Variants in OCA2 observed in about 807,000 individuals in gnomAD.
The protein encoded by OCA2 is P protein.
A neutral mutation model predicts 100.2 loss-of-function variants in OCA2; 77 were observed. That is an observed-to-expected ratio of 0.77 (90% CI 0.64 to 0.93). The LOEUF is 0.93. Ranked by LOEUF, OCA2 falls within the 40% of genes least tolerant of loss-of-function variation. OCA2 has a pLI of 0.00. For missense variants in OCA2, 1,062 were observed against 1,089.1 expected (o/e 0.98, Z 0.35); for synonymous variants, 432 against 439.2 (o/e 0.98, Z 0.21).
intron 10 of OCA2, 112 bp from the exon 11 acceptor site, chr15:27,989,778 G>T: frequency 2.2e-6 from 2 of 917,124 alleles, no homozygotes; most frequent in Non-Finnish European, 3.5e-6. Flanking sequence ...GGCCAGGGTT[G>T]GAAATCTCAC....
chr15:28,004,268 C>A (rs559729545), intron 9 of OCA2, among the ~76,000 whole-genome samples: 1 of 148,620 alleles, frequency 6.7e-6, no homozygotes, highest in African/African-American at 2.6e-5. Flanking sequence ...TCTCAGCCCC[C>A]CTGCTAGGCG....
intron 2 of OCA2, among the ~76,000 whole-genome samples, chr15:28,065,612 G>A (rs1400967673): frequency 1.3e-5 from 2 of 152,018 alleles, no homozygotes; most frequent in African/African-American, 2.4e-5. Context: ...TCTGGGGGTC[G>A]AATAAGAGCT....
intron 6 of OCA2, among the ~76,000 whole-genome samples, chr15:28,021,552 G>A (rs781499240): frequency 1.5e-4 from 23 of 152,184 alleles, no homozygotes; most frequent in Non-Finnish European, 1.5e-5. Flanking sequence ...GAGCGTGGGA[G>A]CCTCTGAGAG....
At chr15:27,746,069 T>C in the OCA2 span, among the ~76,000 whole-genome samples, 8 of 152,224 alleles carry the variant, frequency 5.3e-5, no homozygotes, top group Admixed American at 3.9e-4. Flanking sequence ...TCAGGACCTC[T>C]TGAGACTGTG....
At chr15:28,060,202 T>C (rs1010659608) in intron 2 of OCA2, among the ~76,000 whole-genome samples, 2 of 152,194 alleles carry the variant, frequency 1.3e-5, no homozygotes, top group East Asian at 3.9e-4. Flanking sequence ...CATGCCTGCC[T>C]GGAACTGGAG....
chr15:27,844,652 C>T (rs549448889), intron 23 of OCA2, among the ~76,000 whole-genome samples: 26 of 152,274 alleles, frequency 1.7e-4, no homozygotes, highest in African/African-American at 5.8e-4. Context: ...GTACATGCTG[C>T]CATGCCCAGC....
chr15:27,754,529 C>A (rs781738078), downstream of OCA2, among the ~76,000 whole-genome samples: 2 of 152,198 alleles, frequency 1.3e-5, no homozygotes, highest in Non-Finnish European at 2.9e-5. Context: ...TCGCAGGAAG[C>A]ACAGGGCTCC....
chr15:27,887,692 G>A (rs530401196), intron 19 of OCA2, among the ~76,000 whole-genome samples: 1 of 147,338 alleles, frequency 6.8e-6, no homozygotes, highest in Admixed American at 6.8e-5. Context: ...GACTAATACA[G>A]GAGCCCGGGA....
chr15:28,045,174 G>A (rs1348503058), intron 2 of OCA2, among the ~76,000 whole-genome samples: 2 of 151,650 alleles, frequency 1.3e-5, no homozygotes, highest in African/African-American at 4.9e-5. Flanking sequence ...CCTTTTATTG[G>A]CTTATTAGTT....
chr15:27,845,786 C>T (rs2035510715), intron 22 of OCA2, among the ~76,000 whole-genome samples: 1 of 152,182 alleles, frequency 6.6e-6, no homozygotes, highest in African/African-American at 2.4e-5. Context: ...GATGTCCGTG[C>T]ACACACGGTT....
At chr15:27,966,905 G>A (rs2040588496) in intron 14 of OCA2, 83 bp from the exon 15 acceptor site, 4 of 1,444,706 alleles carry the variant, frequency 2.8e-6, no homozygotes, top group East Asian at 2.5e-5. Flanking sequence ...CGAGGTGGGT[G>A]GATCACGAGG....
At chr15:27,769,340 G>A (rs1236066452) in intron 23 of OCA2, among the ~76,000 whole-genome samples, 1 of 152,202 alleles carries the variant, frequency 6.6e-6, no homozygotes, top group African/African-American at 2.4e-5. Context: ...ACCTGCCTGT[G>A]CTGACACACA....
At chr15:28,088,067 G>GT (rs2044809049) in intron 1 of OCA2, among the ~76,000 whole-genome samples, 1 of 143,502 alleles carries the variant, frequency 7.0e-6, no homozygotes. Flanking sequence ...CATCTCAAAG[G>GT]AAAAAAAAAA....
intron 23 of OCA2, among the ~76,000 whole-genome samples, chr15:27,810,370 A>C (rs1015187781): frequency 2.6e-5 from 4 of 152,236 alleles, no homozygotes; most frequent in Admixed American, 2.6e-4. Flanking sequence ...GATGGATCAA[A>C]GACTTAAATC....
In OCA2 at chr15:27,769,943, C is replaced by T. The variant is rs187115986; in HGVS notation, c.2433-14471G>A. 2.2e-3 allele frequency among the ~76,000 whole-genome samples: 333 copies of T among 150,120 alleles called. 1 individual carries two copies. Among genetic ancestry groups the T allele is most frequent in the African/African-American group, 8.0e-3 (317 of 39,738 alleles). The stretch of plus-strand genomic sequence containing the variant: ...CCCCTCTGGGCCTCAGGACCAGGCT[C>T]ATCCTCAGCCCCCATCTGAACAGCC... On this transcript the variant is annotated intron_variant, in intron 23 of 23. Transcript: ENST00000354638.
intron 9 of OCA2, among the ~76,000 whole-genome samples, chr15:27,992,862 C>A (rs1181164837): frequency 6.6e-6 from 1 of 152,174 alleles, no homozygotes; most frequent in Non-Finnish European, 1.5e-5. Flanking sequence ...GTGGCTCACA[C>A]CTGTAATCGC....
the OCA2 span, among the ~76,000 whole-genome samples, chr15:27,733,949 C>CAGG: frequency 1.3e-5 from 2 of 151,770 alleles, no homozygotes; most frequent in East Asian, 3.9e-4. Context: ...ACCATGAGGT[C>CAGG]AGGAGTTCAA....
At chr15:27,879,584 C>T (rs1247875618) in intron 19 of OCA2, among the ~76,000 whole-genome samples, 2 of 152,136 alleles carry the variant, frequency 1.3e-5, no homozygotes, top group Non-Finnish European at 2.9e-5. Flanking sequence ...TTTTGCTTTG[C>T]ATTTCTTTAA....
intron 14 of OCA2, among the ~76,000 whole-genome samples, chr15:27,969,658 G>T (rs2040702309): frequency 6.6e-6 from 1 of 152,042 alleles, no homozygotes; most frequent in South Asian, 2.1e-4. Context: ...TCATTTGATG[G>T]ATTAAATGGC....
Sources: gnomAD v4.1 joint callset for allele counts (sites outside exome capture counted in the v4.1 genomes callset) on GRCh38, gnomAD v4.1.1 for gene constraint, MANE v1.5 for transcripts, NCBI Gene and HGNC (gene_info 2026-07-23, HGNC 2026-07-21) for gene names.